Variants in ROBO2 observed in about 807,000 individuals in gnomAD.
ROBO2 encodes the protein roundabout homolog 2.
Under a neutral mutation model 160.8 loss-of-function variants are expected in ROBO2, and 53 were observed. The observed-to-expected ratio is 0.33, with a 90% CI of 0.26 to 0.41. ROBO2 has a LOEUF of 0.41. Among genes scored for constraint, ROBO2 ranks in the 10% least tolerant of loss-of-function variants. The pLI, the probability that ROBO2 is intolerant of heterozygous loss-of-function variation, is 1.00. For missense variants in ROBO2, 1,577 were observed against 1,722.4 expected (o/e 0.92, Z 1.49); for synonymous variants, 664 against 611.7 (o/e 1.09, Z -1.26).
intron 2 of ROBO2, among the ~76,000 whole-genome samples, chr3:76,177,703 T>C (rs2073280217): frequency 6.6e-6 from 1 of 152,194 alleles, no homozygotes; most frequent in Non-Finnish European, 1.5e-5. Context: ...CTATTTCTTT[T>C]ATATCGTCCC....
chr3:75,988,345 T>A (rs2065473138), intron 2 of ROBO2, among the ~76,000 whole-genome samples: 1 of 152,176 alleles, frequency 6.6e-6, no homozygotes, highest in Non-Finnish European at 1.5e-5. Flanking sequence ...CTTATAATAC[T>A]TTTTATTTAT....
intron 2 of ROBO2, among the ~76,000 whole-genome samples, chr3:77,288,804 A>G (rs1428598485): frequency 1.3e-5 from 2 of 152,214 alleles, no homozygotes; most frequent in Non-Finnish European, 2.9e-5. Flanking sequence ...CAAATTGATT[A>G]TACCTGGGTC....
intron 2 of ROBO2, among the ~76,000 whole-genome samples, chr3:77,261,170 G>A (rs556804728): frequency 6.6e-6 from 1 of 152,174 alleles, no homozygotes; most frequent in South Asian, 2.1e-4. Flanking sequence ...GTAGAAATGA[G>A]GTGCTTAGTG....
At position 76,032,226 on chromosome 3, in the gene ROBO2, G is replaced by A. The variant is rs542447628; in HGVS notation, c.109+94624G>A. ...TATCCCCTTTATCATTTTTTATTGC[G>A]TCTATTTGATTCTTCTCTCTTTTCT... On this transcript the variant is annotated intron_variant, in intron 2 of 26. Coordinates refer to the ROBO2 transcript ENST00000487694. Among the ~76,000 whole-genome samples, 29 of 151,842 alleles carry A rather than the reference G, an allele frequency of 1.9e-4. 1 individual carries two copies. In the East Asian group the frequency reaches 3.3e-3, roughly 17 times the overall value.
At chr3:77,072,940 A>G (rs2067574744) in intron 1 of ROBO2, among the ~76,000 whole-genome samples, 1 of 152,224 alleles carries the variant, frequency 6.6e-6, no homozygotes, top group African/African-American at 2.4e-5. Context: ...TTAGGACATC[A>G]TCATTTAGTT....
At chr3:75,968,271 C>T (rs1213701329) in intron 2 of ROBO2, among the ~76,000 whole-genome samples, 3 of 151,180 alleles carry the variant, frequency 2.0e-5, no homozygotes, top group African/African-American at 4.8e-5. Flanking sequence ...GCTTTGCTGG[C>T]GAGTCTACAT....
intron 2 of ROBO2, among the ~76,000 whole-genome samples, chr3:76,863,132 C>G (rs950610632): frequency 1.3e-5 from 2 of 152,078 alleles, no homozygotes; most frequent in African/African-American, 4.8e-5. Flanking sequence ...CATTACATAG[C>G]CTTACCTCCC....
At chr3:77,035,596 C>T (rs1429505357), upstream of ROBO2, among the ~76,000 whole-genome samples, 2 of 151,820 alleles carry the variant, frequency 1.3e-5, no homozygotes, top group South Asian at 2.1e-4. Context: ...ACCAAAAATG[C>T]TATTCATAAA....
At chr3:76,405,503 G>T (rs1204958846) in intron 2 of ROBO2, among the ~76,000 whole-genome samples, 2 of 151,722 alleles carry the variant, frequency 1.3e-5, no homozygotes. Context: ...ACAAATTTAC[G>T]CAGTCAAGTA....
intron 2 of ROBO2, among the ~76,000 whole-genome samples, chr3:76,561,187 T>C (rs1269344480): frequency 6.6e-6 from 1 of 151,902 alleles, no homozygotes; most frequent in Non-Finnish European, 1.5e-5. Flanking sequence ...CTCAAAGATA[T>C]TATTTTTATC....
chr3:76,007,670 ATAAG>A (rs1424693192), intron 2 of ROBO2, among the ~76,000 whole-genome samples: 2 of 152,184 alleles, frequency 1.3e-5, no homozygotes, highest in Non-Finnish European at 2.9e-5. Flanking sequence ...GTTATCATAG[ATAAG>A]TAAGGGTATC....
At chr3:77,039,613 G>C (rs1459999122), upstream of ROBO2, among the ~76,000 whole-genome samples, 1 of 152,074 alleles carries the variant, frequency 6.6e-6, no homozygotes, top group Non-Finnish European at 1.5e-5. Flanking sequence ...GGCAGCCGGC[G>C]GGGCTCTCCG....
intron 2 of ROBO2, among the ~76,000 whole-genome samples, chr3:75,961,068 G>T (rs1948893230): frequency 6.6e-6 from 1 of 151,466 alleles, no homozygotes; most frequent in African/African-American, 2.4e-5. Flanking sequence ...AGAACTGAAG[G>T]GATATAAAGG....
intron 7 of ROBO2, among the ~76,000 whole-genome samples, chr3:77,550,062 G>A (rs766590115): frequency 6.6e-6 from 1 of 151,882 alleles, no homozygotes; most frequent in Non-Finnish European, 1.5e-5. Flanking sequence ...TCCTCTCATA[G>A]ATGAACTTTC....
At chr3:76,957,836 A>G (rs1384649754) in intron 2 of ROBO2, among the ~76,000 whole-genome samples, 1 of 152,078 alleles carries the variant, frequency 6.6e-6, no homozygotes, top group Non-Finnish European at 1.5e-5. Flanking sequence ...GTCTCAAAAA[A>G]AAAAAAAAAG....
chr3:76,316,926 C>G (rs1176492677), intron 2 of ROBO2, among the ~76,000 whole-genome samples: 1 of 152,200 alleles, frequency 6.6e-6, no homozygotes, highest in Non-Finnish European at 1.5e-5. Flanking sequence ...AAATGTAGAT[C>G]ACTTTATGTT....
At chr3:77,287,562 A>G (rs557951156) in intron 2 of ROBO2, among the ~76,000 whole-genome samples, 2 of 152,336 alleles carry the variant, frequency 1.3e-5, no homozygotes, top group East Asian at 3.9e-4. Context: ...TAGACCGTTA[A>G]AACTCAATTG....
intron 2 of ROBO2, among the ~76,000 whole-genome samples, chr3:76,768,341 T>G (rs1432339189): frequency 2.0e-5 from 3 of 151,462 alleles, no homozygotes; most frequent in Non-Finnish European, 3.0e-5. Context: ...CTGATGTAAA[T>G]AATCTCATCC....
chr3:76,286,778 C>T (rs541515671), intron 2 of ROBO2, among the ~76,000 whole-genome samples: 245 of 152,148 alleles, frequency 1.6e-3, no homozygotes, highest in Middle Eastern at 0.014. Context: ...TAAGATGAGG[C>T]GGTAGTTGCA....
Sources: gnomAD v4.1 joint callset for allele counts (sites outside exome capture counted in the v4.1 genomes callset) on GRCh38, gnomAD v4.1.1 for gene constraint, MANE v1.5 for transcripts, NCBI Gene and HGNC (gene_info 2026-07-23, HGNC 2026-07-21) for gene names.